Variants in PATJ observed in about 807,000 individuals in gnomAD.
PATJ encodes inaD-like protein.
In PATJ, 190 loss-of-function variants were observed where a neutral mutation model predicts 224.9. That is an observed-to-expected ratio of 0.84 (90% CI 0.75 to 0.95). PATJ has a LOEUF of 0.95. PATJ is among the 40% of genes least tolerant of loss of function. The pLI is 0.00. For synonymous variants in PATJ, 769 were observed against 820.3 expected (o/e 0.94, Z 1.07); for missense variants, 2,121 against 2,270.3 (o/e 0.93, Z 1.34).
chr1:61,899,557 G>GT, intron 22 of PATJ, 26 bp from the exon 23 acceptor site: 2 of 1,538,800 alleles, frequency 1.3e-6, no homozygotes, highest in Middle Eastern at 1.7e-4. Context: ...AAAATTGTGT[G>GT]TATTTTTTTC....
chr1:62,001,696 A>T (rs1645784670), intron 28 of PATJ, among the ~76,000 whole-genome samples: 1 of 152,002 alleles, frequency 6.6e-6, no homozygotes, highest in African/African-American at 2.4e-5. Context: ...TGAACTTTAA[A>T]GTAGTTTTTT....
intron 20 of PATJ, 115 bp downstream of exon 20, chr1:61,864,748 C>T (rs1375027411): frequency 6.8e-5 from 60 of 880,196 alleles, no homozygotes; most frequent in African/African-American, 1.7e-4. Flanking sequence ...TTCCGTAAGT[C>T]GTCACTGTTT....
At chr1:61,823,123 G>A in intron 15 of PATJ, 44 bp downstream of exon 15, 1 of 1,605,124 alleles carries the variant, frequency 6.2e-7, no homozygotes, top group Non-Finnish European at 8.5e-7. Context: ...GAATCTGTAA[G>A]TTTTAGGAAA....
At position 62,037,998 on chromosome 1, in the gene PATJ, G is replaced by A. The variant is rs1211241015; in HGVS notation, c.3981G>A (p.Gln1327=). The change falls in exon 30 of 44, where the codon CAG becomes CAA. Residue 1327 remains glutamine, a synonymous_variant. Transcript: ENST00000642238. ...ACAGAAACGAGGATGCAGTCAATCAGATGGCCGTTACTCCCTTTCCAGTGC... is the reference window on the plus strand; with the variant it reads ...ACAGAAACGAGGATGCAGTCAATCAAATGGCCGTTACTCCCTTTCCAGTGC... The part of the protein sequence containing the change: ...VFIRNEDAVN[Q]MAVTPFPVPS... The A allele has an allele frequency of 1.2e-6, 2 of 1,605,582 alleles. No homozygotes were observed. Among genetic ancestry groups the A allele is most frequent in the Admixed American group, 1.7e-5 (1 of 59,410 alleles).
chr1:61,806,535 C>T (rs4915780), intron 13 of PATJ, among the ~76,000 whole-genome samples: 42,545 of 150,786 alleles, frequency 0.28, 7,353 homozygotes, highest in Middle Eastern at 0.45. Flanking sequence ...AGGAGAATGG[C>T]GTGAACCTGG....
intron 22 of PATJ, among the ~76,000 whole-genome samples, chr1:61,888,888 C>A (rs754310014): frequency 6.6e-6 from 1 of 152,194 alleles, no homozygotes; most frequent in Admixed American, 6.5e-5. Flanking sequence ...AGGACTCCAA[C>A]CTAACCTTGT....
chr1:62,122,276 A>C (rs1361514735), intron 38 of PATJ, among the ~76,000 whole-genome samples: 2 of 148,710 alleles, frequency 1.3e-5, no homozygotes, highest in East Asian at 4.0e-4. Context: ...GAGGCAGGAG[A>C]ATCGCTTGAA....
At chr1:61,815,843 T>C (rs1319365215) in intron 14 of PATJ, among the ~76,000 whole-genome samples, 1 of 152,224 alleles carries the variant, frequency 6.6e-6, no homozygotes, top group Non-Finnish European at 1.5e-5. Context: ...CTGTTAATCA[T>C]GACACAAGAA....
At chr1:62,120,385 A>G (rs1241451980) in intron 37 of PATJ, among the ~76,000 whole-genome samples, 1 of 152,222 alleles carries the variant, frequency 6.6e-6, no homozygotes, top group Non-Finnish European at 1.5e-5. Flanking sequence ...TAATTTATGA[A>G]CTGATAACAG....
chr1:61,819,618 G>A (rs1308824637), intron 14 of PATJ, among the ~76,000 whole-genome samples: 2 of 151,980 alleles, frequency 1.3e-5, no homozygotes, highest in South Asian at 4.2e-4. Context: ...AGGCGGCGGT[G>A]GGGGGGCGCG....
rs776199993 is a variant in PATJ at position 62,092,470 on chromosome 1, AT to A, written c.4377+7838del. The stretch of plus-strand genomic sequence containing the variant: ...AAGTCCTGCGAATGTCAGAGTTGGA[AT>A]TTTTTTTTTTTTTTTAGACGGAGTC... On this transcript the variant is annotated intron_variant, in intron 33 of 43. Coordinates refer to ENST00000642238, the MANE Select transcript of PATJ (RefSeq NM_001350145.3). Among the ~76,000 whole-genome samples the A allele has an allele frequency of 9.0e-3, 1,290 of 143,798 alleles. 8 individuals carry two copies. The highest frequency in any genetic ancestry group is 0.021 in the African/African-American group (830 of 39,650). 94.3% of individuals were successfully genotyped at this position (143,798 alleles called of 152,430 possible).
At chr1:61,841,870 C>A (rs969649425) in intron 17 of PATJ, among the ~76,000 whole-genome samples, 9 of 152,138 alleles carry the variant, frequency 5.9e-5, no homozygotes, top group Admixed American at 5.9e-4. Flanking sequence ...AGTTCCAGTG[C>A]CAACTGGGCT....
At chr1:62,124,847 C>T (rs889993491) in intron 39 of PATJ, among the ~76,000 whole-genome samples, 9 of 152,002 alleles carry the variant, frequency 5.9e-5, no homozygotes, top group Non-Finnish European at 1.3e-4. Context: ...TTTTAAAGGC[C>T]CTATCTCCAA....
At chr1:62,004,682 A>G (rs755554209) in intron 28 of PATJ, among the ~76,000 whole-genome samples, 5 of 152,204 alleles carry the variant, frequency 3.3e-5, no homozygotes, top group Non-Finnish European at 7.3e-5. Context: ...GAGACAAGTA[A>G]TGTATTAGGC....
intron 43 of PATJ, among the ~76,000 whole-genome samples, chr1:62,156,913 C>CA (rs202034453): frequency 0.023 from 2,299 of 98,976 alleles, 22 homozygotes; most frequent in East Asian, 0.1. Context: ...AAGTCCCTGT[C>CA]AAAAAAAAAA....
chr1:62,103,758 CAA>C (rs751774297), intron 33 of PATJ, among the ~76,000 whole-genome samples: 45 of 108,512 alleles, frequency 4.1e-4, no homozygotes, highest in Admixed American at 5.7e-4. Context: ...TGTCTCAACC[CAA>C]AAAAAAAAAA....
intron 41 of PATJ, among the ~76,000 whole-genome samples, chr1:62,139,285 C>G (rs1667251433): frequency 6.6e-6 from 1 of 151,444 alleles, no homozygotes; most frequent in Non-Finnish European, 1.5e-5. Flanking sequence ...CCTGTAGTCC[C>G]AGCTACTTGG....
At chr1:61,959,796 T>A (rs1681011411) in intron 27 of PATJ, among the ~76,000 whole-genome samples, 1 of 152,058 alleles carries the variant, frequency 6.6e-6, no homozygotes, top group Non-Finnish European at 1.5e-5. Context: ...ACATAATTAT[T>A]GCTTAATGTT....
At chr1:61,950,436 G>T (rs1346963930) in intron 27 of PATJ, among the ~76,000 whole-genome samples, 1 of 152,148 alleles carries the variant, frequency 6.6e-6, no homozygotes, top group African/African-American at 2.4e-5. Context: ...CTTCCTTCCA[G>T]TGCCTTTCTC....
Sources: allele counts gnomAD v4.1 joint callset (sites outside exome capture counted in the v4.1 genomes callset), GRCh38; gene constraint gnomAD v4.1.1; transcripts MANE v1.5; gene names NCBI Gene and HGNC (gene_info 2026-07-23, HGNC 2026-07-21).